The following LMO7 variants were observed in gnomAD, a reference collection of about 807,000 sequenced individuals.
The protein encoded by LMO7 is LIM domain only protein 7.
A neutral mutation model predicts 206.5 loss-of-function variants in LMO7; 120 were observed. That is an observed-to-expected ratio of 0.58 (90% confidence interval 0.50 to 0.68). The LOEUF is 0.68. Ranked by LOEUF, LMO7 falls within the 30% of genes least tolerant of loss-of-function variation. LMO7 has a pLI of 0.00. For missense variants in LMO7, 1,959 were observed against 1,957.9 expected, an observed-to-expected ratio of 1.00 and a Z score of -0.01; for synonymous variants, 706 against 681.5, an observed-to-expected ratio of 1.04 and a Z score of -0.56.
intron 15 of LMO7, among the ~76,000 whole-genome samples, chr13:75,831,266 A>AT (rs2058647032): frequency 3.9e-5 from 6 of 152,294 alleles, no homozygotes; most frequent in Admixed American, 6.5e-5. Flanking sequence ...ATAAACAATT[A>AT]TTTTTTGAGA....
intron 1 of LMO7, among the ~76,000 whole-genome samples, chr13:75,646,865 G>T (rs553696775): frequency 2.0e-5 from 3 of 152,274 alleles, no homozygotes; most frequent in South Asian, 4.1e-4. Context: ...GATTACAGGT[G>T]TGAGCCACCA....
intron 3 of LMO7, among the ~76,000 whole-genome samples, chr13:75,734,248 A>G (rs971881945): frequency 3.3e-5 from 5 of 152,214 alleles, no homozygotes; most frequent in Non-Finnish European, 7.3e-5. Context: ...CAGACGGGGT[A>G]AGACATTTCA....
At chr13:75,717,611 A>G (rs2043663092) in intron 2 of LMO7, among the ~76,000 whole-genome samples, 1 of 152,142 alleles carries the variant, frequency 6.6e-6, no homozygotes, top group Admixed American at 6.5e-5. Context: ...TACAAATACT[A>G]CTGTTTACTC....
chr13:75,819,280 C>A, intron 12 of LMO7, 113 bp from the exon 13 acceptor site: 1 of 1,272,968 alleles, frequency 7.9e-7, no homozygotes, highest in Non-Finnish European at 1.1e-6. Flanking sequence ...CCTTGGCATC[C>A]AGTTGGAGTG....
At chr13:75,824,200 G>A (rs993410452) in intron 15 of LMO7, among the ~76,000 whole-genome samples, 5 of 152,150 alleles carry the variant, frequency 3.3e-5, no homozygotes, top group African/African-American at 1.2e-4. Context: ...TTCAGGTACA[G>A]CAGTCACTTT....
intron 2 of LMO7, among the ~76,000 whole-genome samples, chr13:75,723,722 C>T (rs185411649): frequency 3.3e-5 from 5 of 152,212 alleles, no homozygotes; most frequent in African/African-American, 1.2e-4. Context: ...TTGTGCAACT[C>T]CTTTGAAGGG....
At chr13:75,838,029 T>C (rs949530668) in intron 19 of LMO7, 111 bp from the exon 20 acceptor site, 3 of 661,426 alleles carry the variant, frequency 4.5e-6, no homozygotes, top group Non-Finnish European at 7.8e-6. Context: ...AGTTTTGTGA[T>C]CTTTTAAAAT....
chr13:75,794,729 G>A (rs910900426), intron 4 of LMO7, among the ~76,000 whole-genome samples: 53 of 152,192 alleles, frequency 3.5e-4, no homozygotes, highest in African/African-American at 1.2e-3. Context: ...TCAACACTGT[G>A]GTGCCATCTG....
chr13:75,808,079 G>T lies in LMO7; in HGVS notation c.1796G>T (p.Gly599Val). The T allele has an allele frequency of 6.2e-7, 1 of 1,613,932 alleles. No individual in the cohort carries two copies. The highest frequency in any genetic ancestry group is 8.5e-7 in the Non-Finnish European group (1 of 1,179,868). Reference protein sequence around the residue: ...LTRKIQSWKLGTTVPPISFTP... With the variant: ...LTRKIQSWKLVTTVPPISFTP... ...CGTAAGATTCAGTCCTGGAAACTGG[G>T]AACTACCGTGCCTCCCATCAGTTTC... Residue 599 changes from glycine to valine, a missense_variant, in exon 10 of 31, where the codon GGA (glycine) becomes GTA (valine). Physicochemically the swap from Gly to Val is moderately radical, Grantham distance 109. Transcript: ENST00000377534.
At position 75,856,591 on chromosome 13, in the gene LMO7, G is replaced by C. The variant is rs1188188788; in HGVS notation, c.4856G>C (p.Cys1619Ser). The C allele has an allele frequency of 3.1e-6, 5 of 1,604,982 alleles. No homozygotes were observed. The highest frequency in any genetic ancestry group is 4.3e-6 in the Non-Finnish European group (5 of 1,172,030). The change falls in exon 30 of 31, where the codon TGC becomes TCC. Residue 1619 changes from cysteine to serine, a missense_variant. Cys to Ser is a moderately radical substitution (Grantham distance 112). Coordinates refer to ENST00000377534, the MANE Select transcript of LMO7 (RefSeq NM_001306080.2). ...AACCACCAACTGTACTGCAACGACT[G>C]CTATCTCAGATTCAAATGTAAGAGA... The part of the protein sequence containing the change: ...IRNHQLYCND[C>S]YLRFKSGRPT...
At chr13:75,853,467 G>C in intron 28 of LMO7, 79 bp downstream of exon 28, 1 of 1,316,474 alleles carries the variant, frequency 7.6e-7, no homozygotes, top group South Asian at 1.5e-5. Flanking sequence ...TCCTGTCCAA[G>C]TTTTCCAATG....
intron 1 of LMO7, among the ~76,000 whole-genome samples, chr13:75,690,828 T>C (rs983081233): frequency 6.6e-6 from 1 of 152,206 alleles, no homozygotes; most frequent in African/African-American, 2.4e-5. Context: ...ACTTTTAGCA[T>C]AGTACTGAGG....
intron 4 of LMO7, among the ~76,000 whole-genome samples, chr13:75,768,836 C>T (rs1322291445): frequency 6.6e-6 from 1 of 152,052 alleles, no homozygotes; most frequent in Non-Finnish European, 1.5e-5. Flanking sequence ...TCACATTTTC[C>T]TCTTAGAGAA....
intron 11 of LMO7, among the ~76,000 whole-genome samples, chr13:75,815,069 T>A (rs1246738238): frequency 6.6e-6 from 1 of 152,056 alleles, no homozygotes; most frequent in Non-Finnish European, 1.5e-5. Context: ...AGGTATACCA[T>A]GATCTGAGTG....
intron 7 of LMO7, among the ~76,000 whole-genome samples, chr13:75,803,997 G>T (rs749247798): frequency 6.6e-6 from 1 of 152,086 alleles, no homozygotes; most frequent in Non-Finnish European, 1.5e-5. Flanking sequence ...AAATCTTATG[G>T]AAAATCATGG....
intron 1 of LMO7, among the ~76,000 whole-genome samples, chr13:75,709,052 G>GT (rs1399388120): frequency 3.3e-5 from 5 of 151,990 alleles, no homozygotes; most frequent in Non-Finnish European, 7.4e-5. Context: ...GCGGTGTTTG[G>GT]TTTTTTGTCC....
intron 4 of LMO7, among the ~76,000 whole-genome samples, chr13:75,775,288 C>T (rs2050227549): frequency 6.6e-6 from 1 of 151,970 alleles, no homozygotes; most frequent in South Asian, 2.1e-4. Context: ...CCACACTTCT[C>T]ACCGTATACA....
intron 19 of LMO7, 49 bp downstream of exon 19, chr13:75,836,506 G>A (rs1018490743): frequency 3.2e-6 from 3 of 948,190 alleles, no homozygotes; most frequent in Non-Finnish European, 3.2e-6. Flanking sequence ...AAAAGACATA[G>A]CACTCAAGTT....
At chr13:75,645,216 T>G (rs1187859787) in intron 1 of LMO7, among the ~76,000 whole-genome samples, 1 of 152,212 alleles carries the variant, frequency 6.6e-6, no homozygotes, top group Non-Finnish European at 1.5e-5. Context: ...CATGTCATGT[T>G]TTTGATTAGG....
Sources: gnomAD v4.1 joint callset for allele counts (sites outside exome capture counted in the v4.1 genomes callset) on GRCh38, gnomAD v4.1.1 for gene constraint, MANE v1.5 for transcripts, NCBI Gene and HGNC (gene_info 2026-07-23, HGNC 2026-07-21) for gene names.